ASTN2: variants seen among roughly 807,000 people sequenced by gnomAD.
ASTN2 encodes astrotactin-2.
ASTN2 carries 54 observed loss-of-function variants against 139.8 expected under a neutral mutation model. The ratio of observed to expected loss-of-function variants is 0.39; its 90% confidence interval spans 0.31 to 0.48. The LOEUF is 0.48. Among genes scored for constraint, ASTN2 ranks in the 20% least tolerant of loss-of-function variants. The pLI is 0.95. For missense variants in ASTN2, 1,565 were observed against 1,725.1 expected (o/e 0.91, Z 1.64); for synonymous variants, 756 against 719.5 (o/e 1.05, Z -0.81).
intron 19 of ASTN2, among the ~76,000 whole-genome samples, chr9:116,594,154 G>T (rs1415542719): frequency 6.6e-6 from 1 of 152,168 alleles, no homozygotes. Context: ...ACATAATCTA[G>T]CTTTGCATCT....
rs559024273 is a variant in ASTN2, at chr9:117,211,355, G to A, written c.1015+3003C>T. 2.0e-5 allele frequency among the ~76,000 whole-genome samples: 3 copies of A among 152,288 alleles called. No homozygotes were observed. In the East Asian group the frequency reaches 5.8e-4, roughly 29 times the overall value. ...GTTCAATTATAATCCCCAAGGTTGG[G>A]GGAGAGAACTGGTGGTGGGAGGTGA... On this transcript the variant is annotated intron_variant, in intron 3 of 22. Transcript: ENST00000313400.
At chr9:117,285,413 A>G (rs778865465) in intron 2 of ASTN2, among the ~76,000 whole-genome samples, 34 of 152,260 alleles carry the variant, frequency 2.2e-4, no homozygotes, top group Middle Eastern at 3.4e-3. Context: ...TATGAATGAA[A>G]AAACGTCACG....
chr9:116,723,336 T>C (rs994047840), intron 16 of ASTN2, among the ~76,000 whole-genome samples: 1 of 152,168 alleles, frequency 6.6e-6, no homozygotes, highest in South Asian at 2.1e-4. Flanking sequence ...CCAAAAGCCA[T>C]GCAAGAGAAT....
At chr9:117,003,573 T>C (rs68101236) in intron 7 of ASTN2, among the ~76,000 whole-genome samples, 56,844 of 99,872 alleles carry the variant, frequency 0.57, 13,742 homozygotes, top group South Asian at 0.66. Context: ...CTAGAGGCTA[T>C]TGGTGGAAGA....
intron 19 of ASTN2, among the ~76,000 whole-genome samples, chr9:116,497,622 C>T (rs542825168): frequency 3.4e-4 from 52 of 152,262 alleles, no homozygotes; most frequent in African/African-American, 1.2e-3. Flanking sequence ...TAAAAGCCCT[C>T]GTCATCCCCA....
intron 10 of ASTN2, among the ~76,000 whole-genome samples, chr9:116,939,179 A>G (rs555490535): frequency 6.6e-6 from 1 of 152,238 alleles, no homozygotes; most frequent in East Asian, 1.9e-4. Flanking sequence ...CAATTTTCTC[A>G]TCTGGCATAA....
At chr9:117,295,623 A>G (rs1212725491) in intron 1 of ASTN2, among the ~76,000 whole-genome samples, 1 of 152,026 alleles carries the variant, frequency 6.6e-6, no homozygotes, top group African/African-American at 2.4e-5. Flanking sequence ...GATTTGGTAT[A>G]TATATATTTA....
rs1290893265 is a variant in ASTN2 at position 117,414,366 on chromosome 9, C to G, written c.442+131G>C. Reference sequence around the variant, plus strand: ...AACCACCTGTGCGACCTCTGGGCCCCTCCTCTACCCTCTGCCAACCCCACT... The same window carrying G: ...AACCACCTGTGCGACCTCTGGGCCCGTCCTCTACCCTCTGCCAACCCCACT... On this transcript the variant is annotated intron_variant, in intron 1 of 22. Coordinates refer to ENST00000313400, the MANE Select transcript of ASTN2 (RefSeq NM_001365068.1). This position sits in a 1 kb window ranked among gnomAD's most constrained non-coding sequence, Gnocchi z 4.2. 1 of 1,413,404 alleles carries G rather than the reference C, an allele frequency of 7.1e-7. No individual in the cohort carries two copies. 87.6% of individuals were successfully genotyped at this position (1,413,404 alleles called of 1,614,324 possible).
Position 117,376,774 on chromosome 9 carries a change from C to T in ASTN2, c.442+37723G>A, listed in dbSNP as rs112346879. Among the ~76,000 whole-genome samples, 53 of 152,140 alleles carry T rather than the reference C, an allele frequency of 3.5e-4. 1 individual carries two copies. The highest frequency in any genetic ancestry group is 7.4e-5 in the Non-Finnish European group (5 of 68,022). Reference sequence around the variant, plus strand: ...TTGGGAAGAAAAAATGAGATAATGCCTGTGTGGTGTCCAACATTGCATCTA... The same window carrying T: ...TTGGGAAGAAAAAATGAGATAATGCTTGTGTGGTGTCCAACATTGCATCTA... On this transcript the variant is annotated intron_variant, in intron 1 of 22. Coordinates refer to ENST00000313400, the MANE Select transcript of ASTN2 (RefSeq NM_001365068.1).
chr9:116,486,113 C>A (rs1849330304), intron 20 of ASTN2, among the ~76,000 whole-genome samples: 1 of 152,172 alleles, frequency 6.6e-6, no homozygotes, highest in African/African-American at 2.4e-5. Flanking sequence ...AGGGGTAAAG[C>A]AACTTACCTA....
At position 117,049,825 on chromosome 9, in the gene ASTN2, C is replaced by T. The variant is rs149947801; in HGVS notation, c.1277-9860G>A. The stretch of plus-strand genomic sequence containing the variant: ...GTTCAGGAGGCTAAAGACTATTCAA[C>T]GTATATTTAGCAGGCTGACGAAATG... On this transcript the variant is annotated intron_variant, in intron 5 of 22. Transcript: ENST00000313400. 6.9e-3 allele frequency among the ~76,000 whole-genome samples: 1,054 copies of T among 152,154 alleles called. 8 individuals carry two copies. Among genetic ancestry groups the T allele is most frequent in the South Asian group, 0.03 (146 of 4,814 alleles).
chr9:116,685,975 A>T (rs550817273), intron 16 of ASTN2, among the ~76,000 whole-genome samples: 1 of 152,052 alleles, frequency 6.6e-6, no homozygotes, highest in East Asian at 1.9e-4. Flanking sequence ...AAAAAAAAAA[A>T]TTTTAAACGG....
chr9:116,725,351 TTCTTCTTGGGAGAGAAGAACCCAAGA>T (rs909207174), intron 16 of ASTN2, among the ~76,000 whole-genome samples: 2 of 151,836 alleles, frequency 1.3e-5, no homozygotes, highest in African/African-American at 2.4e-5. Context: ...AGGAATTGAG[TTCTTCTTGGGAGAGAAGAACCCAAGA>T]TCTTCTTGGG....
intron 20 of ASTN2, among the ~76,000 whole-genome samples, chr9:116,473,901 CAA>C (rs201726007): frequency 3.7e-5 from 5 of 133,580 alleles, no homozygotes; most frequent in Admixed American, 7.6e-5. Flanking sequence ...GACTCTATCT[CAA>C]AAAAAAAAAA....
At chr9:116,677,766 C>A (rs376527634) in intron 16 of ASTN2, among the ~76,000 whole-genome samples, 7 of 152,116 alleles carry the variant, frequency 4.6e-5, no homozygotes, top group African/African-American at 1.7e-4. Context: ...TAAAATGGGA[C>A]CCTTAATTTT....
At chr9:117,312,685 A>G (rs1209512594) in intron 1 of ASTN2, among the ~76,000 whole-genome samples, 1 of 152,198 alleles carries the variant, frequency 6.6e-6, no homozygotes, top group African/African-American at 2.4e-5. Context: ...TTAAGTCATC[A>G]GGACAAAAAC....
chr9:117,288,781 C>T (rs903841139), intron 2 of ASTN2, among the ~76,000 whole-genome samples: 1 of 152,224 alleles, frequency 6.6e-6, no homozygotes, highest in African/African-American at 2.4e-5. Flanking sequence ...TGCTGACTGA[C>T]TGAGGGATCT....
At chr9:116,856,697 C>A (rs1455770415) in intron 11 of ASTN2, among the ~76,000 whole-genome samples, 1 of 152,214 alleles carries the variant, frequency 6.6e-6, no homozygotes, top group East Asian at 1.9e-4. Flanking sequence ...CTCTCAGCAC[C>A]TGTGCAATCA....
chr9:116,998,066 T>G (rs1021303860), intron 7 of ASTN2, among the ~76,000 whole-genome samples: 2 of 152,218 alleles, frequency 1.3e-5, no homozygotes, highest in African/African-American at 4.8e-5. Context: ...CAATTACTTT[T>G]GTTGGAAAAT....
Sources: gnomAD v4.1 joint callset for allele counts (sites outside exome capture counted in the v4.1 genomes callset) on GRCh38, gnomAD v4.1.1 for gene constraint, Gnocchi (gnomAD v3.1) non-coding constraint, MANE v1.5 for transcripts, NCBI Gene and HGNC (gene_info 2026-07-23, HGNC 2026-07-21) for gene names.